Variants in KCNK13 observed in about 807,000 individuals in gnomAD.
KCNK13 encodes potassium two pore domain channel subfamily K member 13.
In KCNK13, 12 loss-of-function variants were observed where a neutral mutation model predicts 23.4. The ratio of observed to expected loss-of-function variants is 0.51; its 90% CI spans 0.33 to 0.83. KCNK13 has a LOEUF of 0.83. Ranked by LOEUF, KCNK13 falls within the 40% of genes least tolerant of loss-of-function variation. The probability of loss-of-function intolerance (pLI) is 0.02; values close to 1 mark genes in which losing one functional copy is unlikely to be tolerated. For missense variants in KCNK13, 463 were observed against 556.3 expected (o/e 0.83, Z 1.69); for synonymous variants, 231 against 229.5 (o/e 1.01, Z -0.06).
chr14:90,108,163 G>A lies in KCNK13; in HGVS notation c.334+45624G>A, dbSNP rs182802793. Reference sequence around the variant, plus strand: ...TTGCTCTTGACCACGGGGCCAAGAAGGTTGATGGGCCATCTTGGTTTTCTT... The same window carrying A: ...TTGCTCTTGACCACGGGGCCAAGAAAGTTGATGGGCCATCTTGGTTTTCTT... On this transcript the variant is annotated intron_variant, in intron 1 of 1. Coordinates refer to ENST00000282146, the MANE Select transcript of KCNK13 (RefSeq NM_022054.4). Among the ~76,000 whole-genome samples, 84 of 152,316 alleles carry A rather than the reference G, an allele frequency of 5.5e-4. 1 individual carries two copies. The East Asian group carries it at 0.013, about 23-fold the overall frequency.
chr14:90,142,159 A>C lies in KCNK13; in HGVS notation c.335-41952A>C, dbSNP rs577296974. Among the ~76,000 whole-genome samples, 11 of 152,060 alleles carry C rather than the reference A, an allele frequency of 7.2e-5. No homozygotes were observed. In the South Asian group the frequency reaches 2.3e-3, roughly 32 times the overall value. ...TAGCGATCTGCTCTCTGTCACTACAAATTACTTTGCATTTTCTAGAATTGT... is the reference window on the plus strand; with the variant it reads ...TAGCGATCTGCTCTCTGTCACTACACATTACTTTGCATTTTCTAGAATTGT... On this transcript the variant is annotated intron_variant, in intron 1 of 1. Coordinates refer to ENST00000282146, the MANE Select transcript of KCNK13 (RefSeq NM_022054.4).
At chr14:90,112,992 C>A in intron 1 of KCNK13, among the ~76,000 whole-genome samples, 1 of 150,660 alleles carries the variant, frequency 6.6e-6, no homozygotes, top group East Asian at 1.9e-4. Context: ...CAGCTCATTG[C>A]AGCTTCATCG....
At chr14:90,112,186 A>G (rs1394371871) in intron 1 of KCNK13, among the ~76,000 whole-genome samples, 1 of 152,170 alleles carries the variant, frequency 6.6e-6, no homozygotes, top group African/African-American at 2.4e-5. Context: ...CGTCCTGCGT[A>G]TCTCTAGCGA....
chr14:90,157,438 C>G (rs1890206259), intron 1 of KCNK13, among the ~76,000 whole-genome samples: 1 of 152,174 alleles, frequency 6.6e-6, no homozygotes, highest in African/African-American at 2.4e-5. Context: ...CTGTGTCACC[C>G]AGGCTGGAGT....
intron 1 of KCNK13, among the ~76,000 whole-genome samples, chr14:90,113,286 A>AATTAAAG (rs369712015): frequency 3.9e-5 from 6 of 152,166 alleles, no homozygotes; most frequent in African/African-American, 1.4e-4. Context: ...TTGTTGAAAG[A>AATTAAAG]ATTAAAGTAG....
chr14:90,095,425 G>A (rs1000945143), intron 1 of KCNK13, among the ~76,000 whole-genome samples: 1 of 152,154 alleles, frequency 6.6e-6, no homozygotes, highest in Non-Finnish European at 1.5e-5. Context: ...TTCCTAAAGC[G>A]ATTCTGATTT....
At chr14:90,174,721 T>C (rs1381115257) in intron 1 of KCNK13, among the ~76,000 whole-genome samples, 1 of 151,834 alleles carries the variant, frequency 6.6e-6, no homozygotes, top group Non-Finnish European at 1.5e-5. Flanking sequence ...TTGTTTGGTA[T>C]TGTAAACCAA....
intron 1 of KCNK13, among the ~76,000 whole-genome samples, chr14:90,088,874 G>A (rs1889311983): frequency 6.7e-6 from 1 of 148,776 alleles, no homozygotes; most frequent in African/African-American, 2.5e-5. Context: ...TTCAGAAACA[G>A]GAGTTTCCCT....
chr14:90,103,690 G>C (rs989100238), intron 1 of KCNK13, among the ~76,000 whole-genome samples: 11 of 152,104 alleles, frequency 7.2e-5, no homozygotes, highest in Non-Finnish European at 1.5e-4. Flanking sequence ...AGCCTCCCGA[G>C]TAGCTGGGAT....
chr14:90,092,189 T>C (rs1889356196), intron 1 of KCNK13, among the ~76,000 whole-genome samples: 1 of 152,206 alleles, frequency 6.6e-6, no homozygotes, highest in African/African-American at 2.4e-5. Flanking sequence ...CCCAAATTGC[T>C]GGGATTATAG....
chr14:90,128,451 C>T (rs1030368102), intron 1 of KCNK13, among the ~76,000 whole-genome samples: 3 of 152,202 alleles, frequency 2.0e-5, no homozygotes, highest in Non-Finnish European at 4.4e-5. Context: ...CACTTCCCTT[C>T]AGCTCATTCA....
chr14:90,066,758 C>G (rs994699931), intron 1 of KCNK13, among the ~76,000 whole-genome samples: 3 of 152,100 alleles, frequency 2.0e-5, no homozygotes, highest in African/African-American at 7.2e-5. Context: ...GCCAGTTTCT[C>G]TACAGGTTAA....
At chr14:90,124,351 T>C (rs1216429039) in intron 1 of KCNK13, among the ~76,000 whole-genome samples, 1 of 152,246 alleles carries the variant, frequency 6.6e-6, no homozygotes, top group Non-Finnish European at 1.5e-5. Flanking sequence ...AGGGAGATTA[T>C]CCTGCATTCT....
intron 1 of KCNK13, among the ~76,000 whole-genome samples, chr14:90,091,438 G>A (rs1477455754): frequency 6.6e-6 from 1 of 152,178 alleles, no homozygotes; most frequent in Non-Finnish European, 1.5e-5. Flanking sequence ...AAGTTCAGAG[G>A]AAACTCAGTA....
At chr14:90,154,319 C>A (rs1029012833) in intron 1 of KCNK13, among the ~76,000 whole-genome samples, 15 of 147,598 alleles carry the variant, frequency 1.0e-4, no homozygotes, top group African/African-American at 3.3e-4. Context: ...TACCTGCTCT[C>A]CTACCCACAA....
chr14:90,181,510 T>C (rs1417412634), intron 1 of KCNK13, among the ~76,000 whole-genome samples: 1 of 152,138 alleles, frequency 6.6e-6, no homozygotes, highest in Non-Finnish European at 1.5e-5. Context: ...CACCTCCTAA[T>C]ACCATCACTT....
intron 1 of KCNK13, among the ~76,000 whole-genome samples, chr14:90,084,828 A>G (rs1259228674): frequency 6.6e-6 from 1 of 152,112 alleles, no homozygotes; most frequent in Non-Finnish European, 1.5e-5. Context: ...TATCACAAAG[A>G]GCTGTTAGAT....
intron 1 of KCNK13, among the ~76,000 whole-genome samples, chr14:90,063,509 G>C (rs972488746): frequency 3.3e-5 from 5 of 152,090 alleles, no homozygotes; most frequent in African/African-American, 1.2e-4. Flanking sequence ...TAAATTCTGA[G>C]GGGGGCAAAA....
chr14:90,128,287 C>T (rs1335400590), intron 1 of KCNK13, among the ~76,000 whole-genome samples: 1 of 152,148 alleles, frequency 6.6e-6, no homozygotes, highest in Admixed American at 6.5e-5. Flanking sequence ...TACTTCCAGT[C>T]CCAGGGAGGA....
Sources: allele counts gnomAD v4.1 joint callset (sites outside exome capture counted in the v4.1 genomes callset), GRCh38; gene constraint gnomAD v4.1.1; transcripts MANE v1.5; gene names NCBI Gene and HGNC (gene_info 2026-07-23, HGNC 2026-07-21).